The following SNTG1 variants were observed in gnomAD, a reference collection of about 807,000 sequenced individuals.
The protein encoded by SNTG1 is syntrophin gamma 1.
A neutral mutation model predicts 74.7 loss-of-function variants in SNTG1; 39 were observed. That is an observed-to-expected ratio of 0.52 (90% CI 0.40 to 0.68). The LOEUF is 0.68. Ranked by LOEUF, SNTG1 falls within the 30% of genes least tolerant of loss-of-function variation. The probability of loss-of-function intolerance (pLI) is 0.00; values close to 1 mark genes in which losing one functional copy is unlikely to be tolerated. For missense variants in SNTG1, 685 were observed against 609.5 expected (o/e 1.12, Z -1.30); for synonymous variants, 254 against 217.1 (o/e 1.17, Z -1.49).
At chr8:50,007,754 A>G (rs1185177806) in intron 1 of SNTG1, among the ~76,000 whole-genome samples, 1 of 152,154 alleles carries the variant, frequency 6.6e-6, no homozygotes, top group African/African-American at 2.4e-5. Flanking sequence ...TTTAGAGGAA[A>G]GAGAATGTGT....
chr8:49,945,655 G>A (rs1563379675), intron 1 of SNTG1, among the ~76,000 whole-genome samples: 1 of 152,160 alleles, frequency 6.6e-6, no homozygotes, highest in Non-Finnish European at 1.5e-5. Flanking sequence ...CCAGGGCCCA[G>A]GCTAAAGGGG....
At chr8:50,665,478 T>C (rs917614286) in intron 15 of SNTG1, among the ~76,000 whole-genome samples, 2 of 151,942 alleles carry the variant, frequency 1.3e-5, no homozygotes, top group African/African-American at 4.8e-5. Flanking sequence ...CCAAAATATC[T>C]GGGGTCAGAG....
chr8:50,091,013 C>T (rs1279703534), intron 1 of SNTG1, among the ~76,000 whole-genome samples: 2 of 152,074 alleles, frequency 1.3e-5, no homozygotes, highest in Admixed American at 1.3e-4. Context: ...TCACAAGAAT[C>T]TTAATGGACC....
In SNTG1 at chr8:50,291,242, A is replaced by ATGTGTG. The variant is rs35700232; in HGVS notation, c.-27-102948_-27-102943dup. On this transcript the variant is annotated intron_variant, in intron 2 of 18. Transcript: ENST00000642720. The stretch of plus-strand genomic sequence containing the variant: ...ATATATAAGAGAGAGAGACAGACAT[A>ATGTGTG]TGTGTGTGTGTGTGTGTGTGTGTGT... 2.7e-4 allele frequency among the ~76,000 whole-genome samples: 40 copies of ATGTGTG among 149,284 alleles called. No individual in the cohort carries two copies. The East Asian group carries it at 4.0e-3, about 15-fold the overall frequency.
chr8:50,523,051 A>C (rs1265051122), intron 9 of SNTG1, among the ~76,000 whole-genome samples: 1 of 152,136 alleles, frequency 6.6e-6, no homozygotes, highest in African/African-American at 2.4e-5. Flanking sequence ...TTGTAATTTT[A>C]TATATGGTGA....
chr8:50,083,348 T>C (rs1315419050), intron 1 of SNTG1, among the ~76,000 whole-genome samples: 1 of 152,196 alleles, frequency 6.6e-6, no homozygotes, highest in African/African-American at 2.4e-5. Flanking sequence ...AATGCTTATA[T>C]AAAAAGCTAA....
intron 2 of SNTG1, among the ~76,000 whole-genome samples, chr8:50,308,538 T>C (rs2089987395): frequency 6.6e-6 from 1 of 152,136 alleles, no homozygotes; most frequent in Non-Finnish European, 1.5e-5. Context: ...TTCAGAGGGA[T>C]TTAAGAATGT....
Position 50,793,346 on chromosome 8 carries a change from G to A in SNTG1, c.*517G>A, listed in dbSNP as rs1330540954. On this transcript the variant is annotated 3_prime_UTR_variant, in exon 19 of 19. Transcript: ENST00000642720. Reference sequence around the variant, plus strand: ...AAAGAAGGATGCACTTTAATTTGCTGATGTAAATTTGCCCTTGTGTTCTCA... The same window carrying A: ...AAAGAAGGATGCACTTTAATTTGCTAATGTAAATTTGCCCTTGTGTTCTCA... 4 of 151,920 alleles carry A rather than the reference G, an allele frequency of 2.6e-5. No individual in the cohort carries two copies. The highest frequency in any genetic ancestry group is 4.4e-5 in the Non-Finnish European group (3 of 67,898). 9.4% of individuals were successfully genotyped at this position (151,920 alleles called of 1,614,324 possible).
At chr8:50,341,201 C>T (rs1402773271) in intron 2 of SNTG1, among the ~76,000 whole-genome samples, 2 of 151,802 alleles carry the variant, frequency 1.3e-5, no homozygotes, top group Non-Finnish European at 2.9e-5. Context: ...TATATTTTTT[C>T]CTATAGAAAT....
At chr8:50,092,131 T>G (rs1163319156) in intron 1 of SNTG1, among the ~76,000 whole-genome samples, 2 of 152,204 alleles carry the variant, frequency 1.3e-5, no homozygotes, top group Non-Finnish European at 2.9e-5. Flanking sequence ...TTTTGTGTCC[T>G]TTAGTTTTCT....
chr8:50,207,278 T>A (rs367798333), intron 2 of SNTG1, among the ~76,000 whole-genome samples: 3 of 152,228 alleles, frequency 2.0e-5, no homozygotes, highest in East Asian at 3.8e-4. Flanking sequence ...TTCAACTTCT[T>A]CCTGGTTTAG....
intron 4 of SNTG1, among the ~76,000 whole-genome samples, chr8:50,412,617 C>CA (rs888724684): frequency 5.9e-5 from 9 of 152,262 alleles, no homozygotes; most frequent in African/African-American, 2.2e-4. Flanking sequence ...TGGTGATACA[C>CA]AGAGTACAGA....
intron 9 of SNTG1, among the ~76,000 whole-genome samples, chr8:50,518,484 C>CA (rs1235854649): frequency 6.6e-6 from 1 of 151,814 alleles, no homozygotes; most frequent in Non-Finnish European, 1.5e-5. Context: ...GATAGAGACT[C>CA]AAAAAAACCT....
intron 2 of SNTG1, among the ~76,000 whole-genome samples, chr8:50,175,456 T>A (rs2082962829): frequency 6.6e-6 from 1 of 152,198 alleles, no homozygotes; most frequent in African/African-American, 2.4e-5. Flanking sequence ...GAAGAATCAA[T>A]TGAAGGGGAC....
chr8:50,756,735 T>C (rs932680726), intron 18 of SNTG1, among the ~76,000 whole-genome samples: 13 of 151,786 alleles, frequency 8.6e-5, no homozygotes, highest in African/African-American at 2.9e-4. Flanking sequence ...TTTTCAATAG[T>C]GTGATGGCTA....
chr8:50,426,439 A>G lies in SNTG1; in HGVS notation c.163-12104A>G, dbSNP rs952590009. On this transcript the variant is annotated intron_variant, in intron 4 of 18. Transcript: ENST00000642720. ...GTGTGTATATGTCTTAGTTTTTAAC[A>G]AAAACATTTTAAAAATAAAATAATA... Among the ~76,000 whole-genome samples, 9 of 152,076 alleles carry G rather than the reference A, an allele frequency of 5.9e-5. No homozygotes were observed. In the East Asian group the frequency reaches 1.7e-3, roughly 29 times the overall value.
intron 1 of SNTG1, among the ~76,000 whole-genome samples, chr8:50,019,755 G>T (rs1816652952): frequency 1.3e-5 from 2 of 152,020 alleles, no homozygotes; most frequent in Admixed American, 6.6e-5. Context: ...ATGAGGAAAT[G>T]ACTGTAGGCA....
intron 1 of SNTG1, among the ~76,000 whole-genome samples, chr8:50,054,080 C>T (rs1219314934): frequency 6.6e-6 from 1 of 152,000 alleles, no homozygotes; most frequent in African/African-American, 2.4e-5. Context: ...TATTGATTCT[C>T]AATAAAGAAG....
intron 2 of SNTG1, among the ~76,000 whole-genome samples, chr8:50,283,565 C>G: frequency 6.6e-6 from 1 of 152,150 alleles, no homozygotes; most frequent in East Asian, 1.9e-4. Flanking sequence ...TTATATCCGT[C>G]AATTCCAGCA....
Sources: allele counts gnomAD v4.1 joint callset (sites outside exome capture counted in the v4.1 genomes callset), GRCh38; gene constraint gnomAD v4.1.1; transcripts MANE v1.5; gene names NCBI Gene and HGNC (gene_info 2026-07-23, HGNC 2026-07-21).